The following KSR2 variants were observed in gnomAD, a reference collection of about 807,000 sequenced individuals.
The protein encoded by KSR2 is kinase suppressor of ras 2.
KSR2 carries 25 observed loss-of-function variants against 107.8 expected under a neutral mutation model. The observed-to-expected ratio is 0.23, with a 90% CI of 0.17 to 0.32. The LOEUF (loss-of-function observed/expected upper bound fraction) is 0.32. KSR2 is among the 10% of genes least tolerant of loss of function. KSR2 has a pLI of 1.00. For synonymous variants in KSR2, 480 were observed against 507.0 expected, an observed-to-expected ratio of 0.95 and a Z score of 0.71; for missense variants, 887 against 1,268.9, an observed-to-expected ratio of 0.70 and a Z score of 4.57.
intron 4 of KSR2, among the ~76,000 whole-genome samples, chr12:117,688,198 G>A (rs935549216): frequency 6.6e-6 from 1 of 152,154 alleles, no homozygotes; most frequent in Non-Finnish European, 1.5e-5. Context: ...TGGCCAACAT[G>A]GTAAAACCCC....
At chr12:117,709,968 G>C (rs1045523583) in intron 4 of KSR2, among the ~76,000 whole-genome samples, 1 of 152,136 alleles carries the variant, frequency 6.6e-6, no homozygotes, top group African/African-American at 2.4e-5. Flanking sequence ...AAAAAGTCTT[G>C]ATCTACACTG....
chr12:117,506,412 T>C (rs1261724704), intron 14 of KSR2, among the ~76,000 whole-genome samples: 1 of 152,238 alleles, frequency 6.6e-6, no homozygotes, highest in Non-Finnish European at 1.5e-5. Context: ...TTTCTCTACT[T>C]AGCAAACATT....
At chr12:117,683,874 T>G (rs1251964162) in intron 4 of KSR2, among the ~76,000 whole-genome samples, 2 of 152,126 alleles carry the variant, frequency 1.3e-5, no homozygotes, top group Non-Finnish European at 2.9e-5. Context: ...CTACTAAAAC[T>G]CTCCATTTCT....
rs867512609 is a variant in KSR2 at position 117,898,146 on chromosome 12, A to G, written c.181-37715T>C. On this transcript the variant is annotated intron_variant, in intron 1 of 19. Coordinates refer to ENST00000339824, the MANE Select transcript of KSR2 (RefSeq NM_173598.6). ...CAACTCAAAGGCACTTCAAAAGAGTAACGGGATCATGAACACTTACAGCGA... is the reference window on the plus strand; with the variant it reads ...CAACTCAAAGGCACTTCAAAAGAGTGACGGGATCATGAACACTTACAGCGA... Among the ~76,000 whole-genome samples, 5 of 152,300 alleles carry G rather than the reference A, an allele frequency of 3.3e-5. No homozygotes were observed. In the South Asian group the frequency reaches 8.3e-4, roughly 25 times the overall value.
intron 14 of KSR2, among the ~76,000 whole-genome samples, chr12:117,510,810 G>A (rs1349298062): frequency 6.6e-6 from 1 of 151,350 alleles, no homozygotes; most frequent in African/African-American, 2.4e-5. Flanking sequence ...CCTGGCAGGT[G>A]GAGGTTGCAG....
chr12:117,488,696 T>G (rs894720841), intron 14 of KSR2, among the ~76,000 whole-genome samples: 3 of 107,922 alleles, frequency 2.8e-5, no homozygotes, highest in African/African-American at 1.1e-4. Context: ...TAAATTTCTT[T>G]TTTCTTTTTT....
chr12:117,473,479 C>T (rs1446069848), intron 17 of KSR2, among the ~76,000 whole-genome samples: 2 of 152,116 alleles, frequency 1.3e-5, no homozygotes, highest in Admixed American at 6.5e-5. Flanking sequence ...CACTGGCCAA[C>T]GTGCTATCCT....
chr12:117,860,157 G>C (rs1893239596), intron 2 of KSR2, 134 bp downstream of exon 2: 1 of 873,986 alleles, frequency 1.1e-6, no homozygotes, highest in Non-Finnish European at 1.7e-6. Context: ...TTTTCGTCCA[G>C]CACATATTTA....
At chr12:117,739,907 T>G (rs2136775230) in intron 4 of KSR2, among the ~76,000 whole-genome samples, 2 of 152,024 alleles carry the variant, frequency 1.3e-5, no homozygotes, top group South Asian at 2.1e-4. Flanking sequence ...TTTTTCACTC[T>G]TAGAAAAGCT....
chr12:117,627,720 TG>T (rs959113427), intron 5 of KSR2, among the ~76,000 whole-genome samples: 1 of 152,208 alleles, frequency 6.6e-6, no homozygotes, highest in African/African-American at 2.4e-5. Context: ...TGGTGTTCTC[TG>T]TGTTTCCTGA....
At chr12:117,677,125 A>G (rs1293635226) in intron 4 of KSR2, 1 of 152,164 alleles carries the variant, frequency 6.6e-6, no homozygotes, top group East Asian at 1.9e-4. Flanking sequence ...TGTGCAAGGA[A>G]TACTTGGCCA....
chr12:117,462,025 G>A lies in KSR2; in HGVS notation c.*5174C>T, dbSNP rs1284097474. The stretch of plus-strand genomic sequence containing the variant: ...CTTACACACAGGCTGTTCCCATACA[G>A]CCACAGAACTGAGATCCAGAGCTGT... On this transcript the variant is annotated 3_prime_UTR_variant, in exon 20 of 20. Coordinates refer to ENST00000339824, the MANE Select transcript of KSR2 (RefSeq NM_173598.6). The A allele has an allele frequency of 1.3e-5, 2 of 152,100 alleles. No homozygotes were observed. Among genetic ancestry groups the A allele is most frequent in the Admixed American group, 6.6e-5 (1 of 15,266 alleles). The allele number at this position is 152,100 out of a possible 1,614,324, so 9.4% of individuals were successfully genotyped here.
chr12:117,592,544 G>A lies in KSR2; in HGVS notation c.1172-10185C>T, dbSNP rs1880390298. 3.3e-5 allele frequency among the ~76,000 whole-genome samples: 5 copies of A among 152,264 alleles called. No individual in the cohort carries two copies. The South Asian group carries it at 8.3e-4, about 25-fold the overall frequency. On this transcript the variant is annotated intron_variant, in intron 5 of 19. Coordinates refer to ENST00000339824, the MANE Select transcript of KSR2 (RefSeq NM_173598.6). ...AGTGATAACATCCCTCCCTCTCCCA[G>A]TGAGAAATGCGAATCCTAGAGTCAT...
rs1870961115 is a variant in KSR2, at chr12:117,462,643, G to A, written c.*4556C>T. The A allele has an allele frequency of 6.6e-6, 1 of 152,278 alleles. No homozygotes were observed. The highest frequency in any genetic ancestry group is 1.5e-5 in the Non-Finnish European group (1 of 68,100). The allele number at this position is 152,278 out of a possible 1,614,324, so 9.4% of individuals were successfully genotyped here. A position where few individuals can be genotyped will look rare whatever the true frequency, so the allele number is the denominator to read the frequency against. On this transcript the variant is annotated 3_prime_UTR_variant, in exon 20 of 20. Transcript: ENST00000339824. ...TCTGTTGTTGTAGGCCCCAGTGGGT[G>A]GTGGTTTGCTGCAGCAGTCCTAGGA...
chr12:117,526,784 G>A (rs2137241102), intron 13 of KSR2, among the ~76,000 whole-genome samples: 1 of 152,282 alleles, frequency 6.6e-6, no homozygotes, highest in South Asian at 2.1e-4. Flanking sequence ...CATCCCCCTT[G>A]GTATTCACCC....
chr12:117,916,482 A>T (rs1188564955), intron 1 of KSR2, among the ~76,000 whole-genome samples: 1 of 152,230 alleles, frequency 6.6e-6, no homozygotes, highest in Non-Finnish European at 1.5e-5. Context: ...AATGGAACAC[A>T]GTATATGCAC....
chr12:117,562,301 G>C (rs979967780), intron 7 of KSR2, among the ~76,000 whole-genome samples: 1 of 152,150 alleles, frequency 6.6e-6, no homozygotes, highest in African/African-American at 2.4e-5. Context: ...TAAGGCAAAG[G>C]GTCTGCATTT....
chr12:117,707,909 C>T (rs779068831), intron 4 of KSR2, among the ~76,000 whole-genome samples: 36 of 152,166 alleles, frequency 2.4e-4, no homozygotes, highest in Non-Finnish European at 4.3e-4. Flanking sequence ...CTAGGGTGAT[C>T]CTTACCATAC....
At position 117,475,294 on chromosome 12, in the gene KSR2, T is replaced by C. The variant is rs114930401; in HGVS notation, c.2582+1170A>G. On this transcript the variant is annotated intron_variant, in intron 17 of 19. Coordinates refer to ENST00000339824, the MANE Select transcript of KSR2 (RefSeq NM_173598.6). Reference sequence around the variant, plus strand: ...ACTCAACCTTTAAGTCCTTGCAGGATTGACCGTGCTTCCCTCTCTAGTCTC... The same window carrying C: ...ACTCAACCTTTAAGTCCTTGCAGGACTGACCGTGCTTCCCTCTCTAGTCTC... Among the ~76,000 whole-genome samples the C allele has an allele frequency of 6.8e-3, 1,033 of 152,310 alleles. 8 individuals carry two copies. Among genetic ancestry groups the C allele is most frequent in the African/African-American group, 0.022 (917 of 41,548 alleles).
Sources: allele counts gnomAD v4.1 joint callset (sites outside exome capture counted in the v4.1 genomes callset), GRCh38; gene constraint gnomAD v4.1.1; transcripts MANE v1.5; gene names NCBI Gene and HGNC (gene_info 2026-07-23, HGNC 2026-07-21).